The following PCDHA8 variants were observed in gnomAD, a reference collection of about 807,000 sequenced individuals.
PCDHA8 encodes protocadherin alpha-8.
In PCDHA8, 53 loss-of-function variants were observed where a neutral mutation model predicts 61.8. That is an observed-to-expected ratio of 0.86 (90% confidence interval 0.69 to 1.08). The LOEUF (loss-of-function observed/expected upper bound fraction) is 1.08, where lower values mean the gene tolerates loss of function less well. Ranked by LOEUF, PCDHA8 falls within the 50% of genes least tolerant of loss-of-function variation. The pLI is 0.00. For missense variants in PCDHA8, 1,293 were observed against 1,245.0 expected (o/e 1.04, Z -0.58); for synonymous variants, 618 against 556.6 (o/e 1.11, Z -1.55).
Position 140,842,208 on chromosome 5 carries a change from A to C in PCDHA8, c.887A>C (p.Asp296Ala). ...ATGGTTATTGACCACTTTAGCATAG[A>C]TCGAAATACGGGAGAAATAGTGATT... is the stretch of plus-strand genomic sequence containing the variant. ...ETMVIDHFSI[D>A]RNTGEIVIRG... The change falls in exon 1 of 4, where the codon GAT (aspartate) becomes GCT (alanine). Residue 296 changes from aspartate to alanine, a missense_variant. By Grantham distance (126) the Asp-to-Ala change is moderately radical (BLOSUM62 -2). Coordinates refer to ENST00000531613, the MANE Select transcript of PCDHA8 (RefSeq NM_018911.3). The C allele has an allele frequency of 6.2e-7, 1 of 1,613,638 alleles. No individual in the cohort carries two copies. The highest frequency in any genetic ancestry group is 8.5e-7 in the Non-Finnish European group (1 of 1,179,716).
intron 3 of PCDHA8, among the ~76,000 whole-genome samples, chr5:140,996,703 C>G (rs2097740523): frequency 6.6e-6 from 1 of 152,132 alleles, no homozygotes; most frequent in African/African-American, 2.4e-5. Context: ...GAACCTCTAT[C>G]TCTTTGATTT....
rs2150353928 is a variant in PCDHA8, at chr5:140,843,153, T to A, written c.1832T>A (p.Leu611Gln). 80,196 of 1,595,968 alleles carry A rather than the reference T, an allele frequency of 0.05. 9,743 individuals are homozygous for A. The highest frequency in any genetic ancestry group is 0.06 in the Non-Finnish European group (69,795 of 1,165,516). ...SGYNAWLSYE[L>Q]QPAASSPRIP... ...TACAACGCGTGGCTTTCGTATGAGC[T>A]GCAGCCAGCTGCAAGCAGCCCTCGC... The change falls in exon 1 of 4, where the codon CTG (leucine) becomes CAG (glutamine). Residue 611 changes from leucine to glutamine, a missense_variant. Leu to Gln is a moderately radical substitution (Grantham distance 113). Transcript: ENST00000531613.
intron 1 of PCDHA8, among the ~76,000 whole-genome samples, chr5:140,901,565 G>A (rs1554189898): frequency 6.6e-6 from 1 of 152,062 alleles, no homozygotes; most frequent in African/African-American, 2.4e-5. Context: ...CTATGTGTCT[G>A]TTTTTATGCC....
intron 3 of PCDHA8, among the ~76,000 whole-genome samples, chr5:141,005,570 C>T (rs2098221993): frequency 6.6e-6 from 1 of 151,052 alleles, no homozygotes; most frequent in African/African-American, 2.4e-5. Context: ...GGCATGGTGG[C>T]GCGTGCCTGT....
intron 1 of PCDHA8, among the ~76,000 whole-genome samples, chr5:140,946,755 A>G (rs1554217843): frequency 3.3e-5 from 5 of 151,400 alleles, no homozygotes. Context: ...ATACTGCATG[A>G]TCTCATTCAT....
chr5:140,853,625 A>G (rs1195027874), intron 1 of PCDHA8: 1 of 988,416 alleles, frequency 1.0e-6, no homozygotes, highest in African/African-American at 1.8e-5. Context: ...ATAAGTATAC[A>G]AGATCACAGA....
chr5:140,864,821 G>A (rs575763318), intron 1 of PCDHA8: 20 of 152,124 alleles, frequency 1.3e-4, no homozygotes, highest in Middle Eastern at 3.4e-3. Flanking sequence ...CACTTATTTG[G>A]GCTTTAAGTA....
chr5:140,924,902 A>AAAAAT (rs1554202311), intron 1 of PCDHA8, among the ~76,000 whole-genome samples: 1 of 39,026 alleles, frequency 2.6e-5, no homozygotes, highest in Non-Finnish European at 6.3e-5. Context: ...CTCAAAAAAA[A>AAAAAT]AAATAAAATA....
intron 1 of PCDHA8, chr5:140,862,463 G>C (rs2047375519): frequency 2.7e-6 from 1 of 370,738 alleles, no homozygotes. Flanking sequence ...TGGACCAAGA[G>C]AGCAAATCTA....
intron 1 of PCDHA8, among the ~76,000 whole-genome samples, chr5:140,921,179 G>A (rs1346400425): frequency 1.3e-5 from 2 of 151,662 alleles, no homozygotes; most frequent in Non-Finnish European, 2.9e-5. Context: ...ATAAAGCACA[G>A]TTTTTTCACA....
intron 1 of PCDHA8, chr5:140,869,752 G>C (rs1398153775): frequency 1.4e-5 from 22 of 1,613,136 alleles, no homozygotes; most frequent in Middle Eastern, 1.6e-4. Context: ...AGCTACAGAC[G>C]GGGGAAAACC....
chr5:140,877,637 G>A (rs1554169943), intron 1 of PCDHA8: 1 of 1,613,520 alleles, frequency 6.2e-7, no homozygotes, highest in Non-Finnish European at 8.5e-7. Context: ...ACTGCGCTGC[G>A]TTGCTCAGCG....
At chr5:141,003,368 G>C (rs2098121009) in intron 3 of PCDHA8, among the ~76,000 whole-genome samples, 1 of 152,190 alleles carries the variant, frequency 6.6e-6, no homozygotes, top group Non-Finnish European at 1.5e-5. Flanking sequence ...CTGGAGTGCA[G>C]TGGTGCAATC....
At chr5:140,920,828 G>A (rs1482219421) in intron 1 of PCDHA8, among the ~76,000 whole-genome samples, 4 of 147,976 alleles carry the variant, frequency 2.7e-5, no homozygotes, top group African/African-American at 1.0e-4. Context: ...TGGCGACGGA[G>A]CAAGACCAAA....
rs2150350021 is a variant in PCDHA8 at position 140,843,009 on chromosome 5, C to G, written c.1688C>G (p.Pro563Arg). The G allele has an allele frequency of 1.9e-6, 3 of 1,595,058 alleles. 1 individual carries two copies. Among genetic ancestry groups the G allele is most frequent in the Non-Finnish European group, 2.6e-6 (3 of 1,165,480 alleles). ...VFVLDENDNA[P>R]ALLEPRVGGT... Reference sequence around the variant, plus strand: ...GTGCTGGACGAGAATGACAACGCGCCGGCACTGCTGGAGCCTCGGGTGGGT... The same window carrying G: ...GTGCTGGACGAGAATGACAACGCGCGGGCACTGCTGGAGCCTCGGGTGGGT... Residue 563 changes from proline (P) to arginine (R), a missense_variant, in exon 1 of 4, where the codon CCG (proline) becomes CGG (arginine). Pro to Arg is a moderately radical substitution (Grantham distance 103). Coordinates refer to ENST00000531613, the MANE Select transcript of PCDHA8 (RefSeq NM_018911.3).
In PCDHA8 at chr5:140,857,752, C is replaced by T. The variant is rs7725388; in HGVS notation, c.2394+14037C>T. On this transcript the variant is annotated intron_variant, in intron 1 of 3. Coordinates refer to ENST00000531613, the MANE Select transcript of PCDHA8 (RefSeq NM_018911.3). ...ACGCTCCCGCGCTGCTGGCGTCTCCCGCTGGCAGCGCGGGCGGTGCAGTCA... is the reference window on the plus strand; with the variant it reads ...ACGCTCCCGCGCTGCTGGCGTCTCCTGCTGGCAGCGCGGGCGGTGCAGTCA... The T allele has an allele frequency of 7.5e-6, 12 of 1,597,052 alleles. 1 individual carries two copies. The highest frequency in any genetic ancestry group is 9.4e-6 in the Non-Finnish European group (11 of 1,167,514).
At chr5:140,995,924 G>A (rs998405229) in intron 3 of PCDHA8, among the ~76,000 whole-genome samples, 16 of 152,308 alleles carry the variant, frequency 1.1e-4, no homozygotes, top group African/African-American at 3.8e-4. Flanking sequence ...ATAGGCTGTT[G>A]TAAGTATTAA....
chr5:140,883,227 T>C (rs1367769120), intron 1 of PCDHA8: 2 of 1,613,830 alleles, frequency 1.2e-6, no homozygotes, highest in African/African-American at 2.7e-5. Flanking sequence ...GAAATATCCG[T>C]GGAGGCAGTT....
At chr5:141,009,285 T>C (rs1554262099) in intron 3 of PCDHA8, among the ~76,000 whole-genome samples, 1 of 152,106 alleles carries the variant, frequency 6.6e-6, no homozygotes, top group African/African-American at 2.4e-5. Context: ...TGAGATCCCA[T>C]TTCTATAAAA....
Sources: gnomAD v4.1 joint callset for allele counts (sites outside exome capture counted in the v4.1 genomes callset) on GRCh38, gnomAD v4.1.1 for gene constraint, MANE v1.5 for transcripts, NCBI Gene and HGNC (gene_info 2026-07-23, HGNC 2026-07-21) for gene names.